The following ATOSA variants were observed in gnomAD, a reference collection of about 807,000 sequenced individuals.
ATOSA encodes the protein atos homolog A, also known as atos homolog protein A.
chr15:52,583,938 C>T, the ATOSA span, among the ~76,000 whole-genome samples: 12 of 151,790 alleles, frequency 7.9e-5, no homozygotes, highest in African/African-American at 2.9e-4. Context: ...CAGCTCACTG[C>T]TTATTCACTC....
chr15:52,607,388 TAAAC>T, the ATOSA span, among the ~76,000 whole-genome samples: 9 of 151,924 alleles, frequency 5.9e-5, no homozygotes, highest in East Asian at 1.5e-3. Flanking sequence ...AGTACTGAAA[TAAAC>T]AAAAAAGGGC....
At chr15:52,617,117 G>C in the ATOSA span, among the ~76,000 whole-genome samples, 1 of 152,130 alleles carries the variant, frequency 6.6e-6, no homozygotes, top group Non-Finnish European at 1.5e-5. Flanking sequence ...GCCTTAACTG[G>C]CACTGTGACT....
the ATOSA span, among the ~76,000 whole-genome samples, chr15:52,699,521 T>A: frequency 1.3e-5 from 2 of 151,694 alleles, no homozygotes; most frequent in Admixed American, 6.6e-5. Context: ...TGGTACAGAG[T>A]AAGTCTTCTT....
chr15:52,606,629 G>A, the ATOSA span, among the ~76,000 whole-genome samples: 1 of 152,004 alleles, frequency 6.6e-6, no homozygotes, highest in Non-Finnish European at 1.5e-5. Context: ...AAAATATCAC[G>A]GCCAGATTTA....
chr15:52,604,413 C>A, the ATOSA span, among the ~76,000 whole-genome samples: 1 of 152,176 alleles, frequency 6.6e-6, no homozygotes, highest in East Asian at 1.9e-4. Context: ...ATACTGTATT[C>A]TTTTAGTTAC....
At chr15:52,609,913 C>G in the ATOSA span, 1 of 1,610,890 alleles carries the variant, frequency 6.2e-7, no homozygotes, top group Non-Finnish European at 8.5e-7. Flanking sequence ...TTTTAAAGTT[C>G]TCACTGATGT....
the ATOSA span, among the ~76,000 whole-genome samples, chr15:52,626,563 G>A: frequency 1.3e-5 from 2 of 149,320 alleles, no homozygotes; most frequent in Non-Finnish European, 3.0e-5. Flanking sequence ...GAATGGCCAA[G>A]AGTTGGTTTT....
At chr15:52,612,371 G>A in the ATOSA span, among the ~76,000 whole-genome samples, 1 of 152,094 alleles carries the variant, frequency 6.6e-6, no homozygotes, top group African/African-American at 2.4e-5. Context: ...TCCAATGTCT[G>A]ACAGGCCTCT....
the ATOSA span, among the ~76,000 whole-genome samples, chr15:52,699,118 G>A: frequency 1.3e-5 from 2 of 152,166 alleles, no homozygotes; most frequent in South Asian, 2.1e-4. Flanking sequence ...CCCCAGCCTC[G>A]GACAAGTAAA....
chr15:52,582,595 T>C, the ATOSA span, among the ~76,000 whole-genome samples: 3 of 152,238 alleles, frequency 2.0e-5, no homozygotes, highest in Non-Finnish European at 2.9e-5. Context: ...TTTTCCTCCC[T>C]GACTCCACAG....
the ATOSA span, among the ~76,000 whole-genome samples, chr15:52,614,262 C>T: frequency 1.3e-5 from 2 of 151,764 alleles, no homozygotes; most frequent in Non-Finnish European, 2.9e-5. Context: ...TGTGCCACCA[C>T]GCATGGCTAT....
At chr15:52,623,170 G>C in the ATOSA span, among the ~76,000 whole-genome samples, 4 of 151,508 alleles carry the variant, frequency 2.6e-5, no homozygotes, top group African/African-American at 9.7e-5. Flanking sequence ...AAAAAAAAAG[G>C]TTTAGAAAGG....
the ATOSA span, among the ~76,000 whole-genome samples, chr15:52,675,910 A>G: frequency 6.6e-6 from 1 of 152,152 alleles, no homozygotes; most frequent in African/African-American, 2.4e-5. Flanking sequence ...CGTCTCAAAA[A>G]AAAAAAAGAA....
chr15:52,597,787 T>C, the ATOSA span, among the ~76,000 whole-genome samples: 1 of 152,166 alleles, frequency 6.6e-6, no homozygotes, highest in African/African-American at 2.4e-5. Context: ...AGAATTGTCT[T>C]GGGGCATATG....
chr15:52,609,968 T>C, the ATOSA span: 1 of 1,613,236 alleles, frequency 6.2e-7, no homozygotes. Context: ...CCTAGAATAT[T>C]GGCTTGAGAT....
the ATOSA span, chr15:52,611,029 A>G: frequency 7.6e-7 from 1 of 1,323,118 alleles, no homozygotes; most frequent in Non-Finnish European, 1.0e-6. Flanking sequence ...ACTTACATTT[A>G]GAATTGCAGG....
At chr15:52,632,559 G>A in the ATOSA span, among the ~76,000 whole-genome samples, 1 of 152,146 alleles carries the variant, frequency 6.6e-6, no homozygotes, top group Non-Finnish European at 1.5e-5. Context: ...AGAAATGTAT[G>A]AGGAAAAAGG....
At chr15:52,646,378 C>T in the ATOSA span, among the ~76,000 whole-genome samples, 2 of 152,110 alleles carry the variant, frequency 1.3e-5, no homozygotes, top group Admixed American at 6.6e-5. Flanking sequence ...GAAGAGATTC[C>T]GGGTGGCAGT....
chr15:52,610,469 C>G, the ATOSA span: 1 of 1,393,160 alleles, frequency 7.2e-7, no homozygotes, highest in South Asian at 1.5e-5. Context: ...GTAAAGCAGT[C>G]ATACACTTAT....
Sources: allele counts gnomAD v4.1 joint callset (sites outside exome capture counted in the v4.1 genomes callset), GRCh38; gene constraint gnomAD v4.1.1; transcripts MANE v1.5; gene names NCBI Gene and HGNC (gene_info 2026-07-23, HGNC 2026-07-21).